Variants in NRIP2 observed in about 807,000 individuals in gnomAD.
The protein encoded by NRIP2 is nuclear receptor interacting protein 2.
Under a neutral mutation model 34.1 loss-of-function variants are expected in NRIP2, and 27 were observed. The ratio of observed to expected loss-of-function variants is 0.79; its 90% CI spans 0.58 to 1.09. NRIP2 has a LOEUF of 1.09. NRIP2 is among the 50% of genes least tolerant of loss of function. The pLI is 0.00. For synonymous variants in NRIP2, 145 were observed against 146.9 expected (o/e 0.99, Z 0.09); for missense variants, 385 against 352.6 (o/e 1.09, Z -0.74).
Position 2,834,679 on chromosome 12 carries a change from A to G in NRIP2, c.305T>C (p.Leu102Pro), listed in dbSNP as rs1387981266. The G allele has an allele frequency of 6.2e-7, 1 of 1,612,242 alleles. No individual in the cohort carries two copies. The highest frequency in any genetic ancestry group is 8.5e-7 in the Non-Finnish European group (1 of 1,179,028). The stretch of plus-strand genomic sequence containing the variant: ...GGTGCCGAGCCTCTTGAGGCTGTCC[A>G]GCGGGAGCAGGTCGGCCGAGTCCTT... ...LHKDSADLLP[L>P]DSLKRLGTSK... Residue 102 changes from leucine (L) to proline (P), a missense_variant, in exon 1 of 6, where the codon CTG becomes CCG. Physicochemically the swap from Leu to Pro is moderately conservative, Grantham distance 98 (BLOSUM62 -3). Coordinates refer to ENST00000337508, the MANE Select transcript of NRIP2 (RefSeq NM_031474.3).
rs1308783609 is a variant in NRIP2 at position 2,827,401 on chromosome 12, C to T, written c.754-102G>A. The T allele has an allele frequency of 6.6e-7, 1 of 1,522,952 alleles. No individual in the cohort carries two copies. The highest frequency in any genetic ancestry group is 1.3e-5 in the South Asian group (1 of 77,734). The allele number at this position is 1,522,952 out of a possible 1,614,324, so 94.3% of individuals were successfully genotyped here. A position where few individuals can be genotyped will look rare whatever the true frequency, so the allele number is the denominator to read the frequency against. On this transcript the variant is annotated intron_variant, in intron 5 of 5. Coordinates refer to ENST00000337508, the MANE Select transcript of NRIP2 (RefSeq NM_031474.3). This position sits in a 1 kb window ranked among gnomAD's most constrained non-coding sequence, Gnocchi z 4.0. The stretch of plus-strand genomic sequence containing the variant: ...TCCCACTTCCCACAGCTTCCACCTG[C>T]CTTTTGCTCTTCCCCCATCCCCATT...
At position 2,827,443 on chromosome 12, in the gene NRIP2, G is replaced by A. The variant is rs2097973862; in HGVS notation, c.754-144C>T. 1.6e-5 allele frequency: 25 copies of A among 1,526,524 alleles called. No individual in the cohort carries two copies. The highest frequency in any genetic ancestry group is 2.8e-5 in the African/African-American group (2 of 71,862). The allele number at this position is 1,526,524 out of a possible 1,614,324, so 94.6% of individuals were successfully genotyped here. ...ATCCCCATTTCCCTAGACTCCTGTT[G>A]AAGGGGGTGACCCAGTTCTCTTGAT... is the stretch of plus-strand genomic sequence containing the variant. On this transcript the variant is annotated intron_variant, in intron 5 of 5. Coordinates refer to ENST00000337508, the MANE Select transcript of NRIP2 (RefSeq NM_031474.3). The surrounding 1 kb of genome is among the most constrained non-coding windows in gnomAD (Gnocchi z 4.0).
chr12:2,832,895 G>A (rs2098010606), intron 1 of NRIP2, among the ~76,000 whole-genome samples: 1 of 151,588 alleles, frequency 6.6e-6, no homozygotes, highest in Non-Finnish European at 1.5e-5. Context: ...TGGCAGCAAG[G>A]CTGCCAGCAG....
intron 1 of NRIP2, among the ~76,000 whole-genome samples, chr12:2,831,495 A>G (rs1033550816): frequency 2.6e-5 from 4 of 152,072 alleles, no homozygotes; most frequent in African/African-American, 9.7e-5. Flanking sequence ...GAAGTGTGAT[A>G]GTCACCTGAA....
In NRIP2 at chr12:2,830,753, CCTCCTGCT is replaced by C; in HGVS notation, c.442_449del (p.Ser148GlufsTer22). ...CTGGAATCTCTGTCCTGCTGGTCTT[CCTCCTGCT>C]CTCCTGGCCATGAATCAGGTCCTGC... On this transcript the variant is annotated frameshift_variant, in exon 2 of 6. Coordinates refer to ENST00000337508, the MANE Select transcript of NRIP2 (RefSeq NM_031474.3). LOFTEE classifies it high-confidence loss of function. The C allele has an allele frequency of 6.2e-7, 1 of 1,613,922 alleles. No homozygotes were observed. Among genetic ancestry groups the C allele is most frequent in the Non-Finnish European group, 8.5e-7 (1 of 1,179,918 alleles).
At chr12:2,829,309 A>G (rs1252201921) in intron 2 of NRIP2, among the ~76,000 whole-genome samples, 1 of 149,364 alleles carries the variant, frequency 6.7e-6, no homozygotes, top group Non-Finnish European at 1.5e-5. Flanking sequence ...AGACATTTTG[A>G]TATACGCTTG....
In NRIP2 at chr12:2,826,983, A is replaced by G; in HGVS notation, c.*224T>C. On this transcript the variant is annotated 3_prime_UTR_variant, in exon 6 of 6. Transcript: ENST00000337508. ...GAGGAAGATGAATCAGAATCCTGGC[A>G]TCGTGGGCCCTCTAGTGAAAACTCG... is the stretch of plus-strand genomic sequence containing the variant. 2.2e-6 allele frequency: 3 copies of G among 1,365,218 alleles called. No individual in the cohort carries two copies. The highest frequency in any genetic ancestry group is 1.9e-6 in the Non-Finnish European group (2 of 1,063,506). The allele number at this position is 1,365,218 out of a possible 1,614,324, so 84.6% of individuals were successfully genotyped here. A position where few individuals can be genotyped will look rare whatever the true frequency, so the allele number is the denominator to read the frequency against.
chr12:2,828,496 G>T lies in NRIP2; in HGVS notation c.496-82C>A, dbSNP rs145701112. The T allele has an allele frequency of 5.1e-3, 5,303 of 1,038,998 alleles. 39 individuals are homozygous for T. Among genetic ancestry groups the T allele is most frequent in the Middle Eastern group, 0.019 (87 of 4,632 alleles). The allele number at this position is 1,038,998 out of a possible 1,614,324, so 64.4% of individuals were successfully genotyped here. On this transcript the variant is annotated intron_variant, in intron 2 of 5. Transcript: ENST00000337508. ...GGATCCTTCAGTTTCCCAGCCCATT[G>T]ATGATTCCCTCCTAGAAATGAGTGG...
chr12:2,832,421 T>TCTC (rs1368526868), intron 1 of NRIP2, among the ~76,000 whole-genome samples: 2 of 151,800 alleles, frequency 1.3e-5, no homozygotes, highest in East Asian at 3.9e-4. Flanking sequence ...CTCTCTCCTC[T>TCTC]CTCCTCTCTT....
At position 2,827,260 on chromosome 12, in the gene NRIP2, C is replaced by A; in HGVS notation, c.793G>T (p.Ala265Ser). 1 of 1,614,064 alleles carries A rather than the reference C, an allele frequency of 6.2e-7. No homozygotes were observed. The highest frequency in any genetic ancestry group is 8.5e-7 in the Non-Finnish European group (1 of 1,180,000). Residue 265 changes from alanine (A) to serine (S), a missense_variant, in exon 6 of 6, where the codon GCC (alanine) becomes TCC (serine). Ala to Ser is a moderately conservative substitution (Grantham distance 99). Coordinates refer to ENST00000337508, the MANE Select transcript of NRIP2 (RefSeq NM_031474.3). This position sits in a 1 kb window ranked among gnomAD's most constrained non-coding sequence, Gnocchi z 4.0. ...AGGAAGGGTAGCTCTGAGAACGGGG[C>A]TTTCAGCCGCAGCACTCCGTGCTCC... ...DLEHGVLRLK[A>S]PFSELPFLPL... is the part of the protein sequence containing the mutation.
intron 3 of NRIP2, 74 bp downstream of exon 3, chr12:2,828,258 C>T: frequency 7.4e-7 from 1 of 1,348,560 alleles, no homozygotes; most frequent in Non-Finnish European, 1.1e-6. Context: ...TCGTCACTAT[C>T]TAATTTGAGA....
chr12:2,831,176 C>T (rs1340616676), intron 1 of NRIP2, among the ~76,000 whole-genome samples: 1 of 151,834 alleles, frequency 6.6e-6, no homozygotes, highest in Admixed American at 6.6e-5. Context: ...GAAGTTTTGT[C>T]TCAAACTTAC....
intron 2 of NRIP2, 135 bp downstream of exon 2, chr12:2,830,573 T>A: frequency 1.1e-6 from 1 of 908,260 alleles, no homozygotes; most frequent in East Asian, 2.8e-5. Context: ...AGGATCCTGG[T>A]TAGGTCCAGG....
intron 2 of NRIP2, chr12:2,830,368 G>C (rs2097995249): frequency 5.2e-6 from 1 of 192,088 alleles, no homozygotes; most frequent in East Asian, 1.3e-4. Flanking sequence ...CAGGGCCAAT[G>C]CCTTAGAACA....
In NRIP2 at chr12:2,831,981, C is replaced by T. The variant is rs115407882; in HGVS notation, c.343-1121G>A. Among the ~76,000 whole-genome samples the T allele has an allele frequency of 3.6e-3, 553 of 152,220 alleles. 2 individuals are homozygous for T. Among genetic ancestry groups the T allele is most frequent in the African/African-American group, 0.013 (526 of 41,554 alleles). The stretch of plus-strand genomic sequence containing the variant: ...TTGGAACACCTTCTTAAGTTCATAA[C>T]CTGTCTCCAGACCTGTTACCTTTCA... On this transcript the variant is annotated intron_variant, in intron 1 of 5. Coordinates refer to ENST00000337508, the MANE Select transcript of NRIP2 (RefSeq NM_031474.3).
Position 2,830,806 on chromosome 12 carries a change from G to T in NRIP2, c.397C>A (p.Gln133Lys). The T allele has an allele frequency of 6.2e-7, 1 of 1,613,768 alleles. No individual in the cohort carries two copies. Residue 133 changes from glutamine (Q) to lysine (K), a missense_variant, in exon 2 of 6, where the codon CAG becomes AAG. Transcript: ENST00000337508. ...RLVEGNPNWLQGEPPRMQDLI... is the reference protein window; with the variant it reads ...RLVEGNPNWLKGEPPRMQDLI... ...TCCTGCATCCGGGGAGGCTCCCCCT[G>T]AAGCCAATTCGGGTTTCCCTCCACC...
intron 2 of NRIP2, among the ~76,000 whole-genome samples, chr12:2,829,794 G>C (rs1315980469): frequency 1.3e-5 from 2 of 150,728 alleles, no homozygotes; most frequent in Non-Finnish European, 3.0e-5. Flanking sequence ...GACCGGAAAA[G>C]TCGAGGGGTG....
Position 2,828,970 on chromosome 12 carries a change from C to T in NRIP2, c.496-556G>A, listed in dbSNP as rs115741320. ...GCTTGTAGTTCTAGCACTTTGGAGG[C>T]AAGAGGATCACTTGAAGCCAGGAGT... On this transcript the variant is annotated intron_variant, in intron 2 of 5. Transcript: ENST00000337508. Among the ~76,000 whole-genome samples the T allele has an allele frequency of 4.9e-3, 741 of 151,766 alleles. 5 individuals are homozygous for T. The highest frequency in any genetic ancestry group is 0.017 in the African/African-American group (694 of 41,344).
Position 2,827,235 on chromosome 12 carries a change from A to G in NRIP2, c.818T>C (p.Leu273Pro). 1 of 1,614,166 alleles carries G rather than the reference A, an allele frequency of 6.2e-7. No homozygotes were observed. The highest frequency in any genetic ancestry group is 1.1e-5 in the South Asian group (1 of 91,090). The change falls in exon 6 of 6, where the codon CTG (leucine) becomes CCG (proline). Residue 273 changes from leucine (L) to proline (P), a missense_variant. Physicochemically the swap from Leu to Pro is moderately conservative, Grantham distance 98. Transcript: ENST00000337508. The surrounding 1 kb of genome is among the most constrained non-coding windows in gnomAD (Gnocchi z 4.0). ...CTGGCCAGGCTCTTGGTACAAAGGC[A>G]GGAAGGGTAGCTCTGAGAACGGGGC... is the stretch of plus-strand genomic sequence containing the variant. ...LKAPFSELPFLPLYQEPGQ is the reference protein window; with the variant it reads ...LKAPFSELPFPPLYQEPGQ
Sources: allele counts gnomAD v4.1 joint callset (sites outside exome capture counted in the v4.1 genomes callset), GRCh38; gene constraint gnomAD v4.1.1; non-coding constraint Gnocchi (gnomAD v3.1); transcripts MANE v1.5; gene names NCBI Gene and HGNC (gene_info 2026-07-23, HGNC 2026-07-21).